ZCCHC2: variants seen among roughly 807,000 people sequenced by gnomAD.
ZCCHC2 encodes the protein zinc finger CCHC domain-containing protein 2.
ZCCHC2 carries 39 observed loss-of-function variants against 103.6 expected under a neutral mutation model. The ratio of observed to expected loss-of-function variants is 0.38; its 90% CI spans 0.29 to 0.49. The LOEUF is 0.49. ZCCHC2 is among the 20% of genes least tolerant of loss of function. The probability of loss-of-function intolerance (pLI) is 0.96; values close to 1 mark genes in which losing one functional copy is unlikely to be tolerated. For missense variants in ZCCHC2, 1,483 were observed against 1,491.0 expected (o/e 0.99, Z 0.09); for synonymous variants, 687 against 608.9 (o/e 1.13, Z -1.89).
chr18:62,526,729 G>T (rs1370234705), intron 1 of ZCCHC2, among the ~76,000 whole-genome samples: 1 of 152,070 alleles, frequency 6.6e-6, no homozygotes, highest in Non-Finnish European at 1.5e-5. Flanking sequence ...TAGGGGCTCG[G>T]AGGTCACGCA....
intron 2 of ZCCHC2, among the ~76,000 whole-genome samples, chr18:62,540,398 C>G (rs1915119060): frequency 6.6e-6 from 1 of 150,430 alleles, no homozygotes; most frequent in African/African-American, 2.4e-5. Context: ...GCTTCACACT[C>G]AGTTATAACA....
Position 62,523,582 on chromosome 18 carries a change from C to T in ZCCHC2, c.158C>T (p.Pro53Leu). 1.0e-6 allele frequency: 1 copy of T among 967,598 alleles called. No homozygotes were observed. The highest frequency in any genetic ancestry group is 1.2e-6 in the Non-Finnish European group (1 of 817,348). 59.9% of individuals were successfully genotyped at this position (967,598 alleles called of 1,614,324 possible). A position where few individuals can be genotyped will look rare whatever the true frequency, so the allele number is the denominator to read the frequency against. ...CCGCCGCCGCCGCCGCCCGCGGGCCCGTCGCGGGGCCCTCTGCCGCCGCCG... is the reference window on the plus strand; with the variant it reads ...CCGCCGCCGCCGCCGCCCGCGGGCCTGTCGCGGGGCCCTCTGCCGCCGCCG... ...PPPPPPPPAGPSRGPLPPPPP... is the reference protein window; with the variant it reads ...PPPPPPPPAGLSRGPLPPPPP... Residue 53 changes from proline (P) to leucine (L), a missense_variant, in exon 1 of 14, where the codon CCG (proline) becomes CTG (leucine). Pro to Leu is a moderately conservative substitution (Grantham distance 98). Around this residue, in one of 3 missense-constraint regions of ZCCHC2, gnomAD observed 568 missense variants for 525.1 expected, o/e 1.08. Coordinates refer to ENST00000269499, the MANE Select transcript of ZCCHC2 (RefSeq NM_017742.6).
chr18:62,523,431 A>G lies in ZCCHC2; in HGVS notation c.7A>G (p.Arg3Gly). Residue 3 changes from arginine to glycine, a missense_variant, in exon 1 of 14, where the codon AGG becomes GGG. Transcript: ENST00000269499. ...TGCGCCGCCCTAGCCGAGGATGCTG[A>G]GGATGAAGCTGCCGCTGAAGCCAAC... The part of the protein sequence containing the change: ML[R>G]MKLPLKPTHP... 1 of 1,072,880 alleles carries G rather than the reference A, an allele frequency of 9.3e-7. No individual in the cohort carries two copies. The highest frequency in any genetic ancestry group is 1.1e-6 in the Non-Finnish European group (1 of 879,066). 66.5% of individuals were successfully genotyped at this position (1,072,880 alleles called of 1,614,324 possible). A position where few individuals can be genotyped will look rare whatever the true frequency, so the allele number is the denominator to read the frequency against.
At chr18:62,546,901 T>A (rs1425981345) in intron 4 of ZCCHC2, among the ~76,000 whole-genome samples, 1 of 152,254 alleles carries the variant, frequency 6.6e-6, no homozygotes, top group Admixed American at 6.5e-5. Flanking sequence ...TCAAGTAGTA[T>A]AAATGCCTCT....
At chr18:62,540,865 G>T (rs1232319373) in intron 2 of ZCCHC2, among the ~76,000 whole-genome samples, 1 of 152,058 alleles carries the variant, frequency 6.6e-6, no homozygotes, top group Non-Finnish European at 1.5e-5. Flanking sequence ...ACATACTCCT[G>T]TCTTCTCTTA....
At chr18:62,542,366 A>T in intron 2 of ZCCHC2, 132 bp from the exon 3 acceptor site, 1 of 619,004 alleles carries the variant, frequency 1.6e-6, no homozygotes, top group Non-Finnish European at 2.7e-6. Flanking sequence ...TTCATGATTT[A>T]AGACCAGTCA....
At chr18:62,573,636 T>C (rs1442715815) in intron 12 of ZCCHC2, among the ~76,000 whole-genome samples, 1 of 152,242 alleles carries the variant, frequency 6.6e-6, no homozygotes, top group Non-Finnish European at 1.5e-5. Context: ...TTGTCTTGAC[T>C]GAGCTCTTTG....
intron 10 of ZCCHC2, 56 bp from the exon 11 acceptor site, chr18:62,564,946 A>C: frequency 7.9e-7 from 1 of 1,269,318 alleles, no homozygotes; most frequent in South Asian, 1.2e-5. Context: ...TACTGTACTG[A>C]ATGTGTTTGG....
At chr18:62,532,088 G>A (rs1256964434) in intron 1 of ZCCHC2, among the ~76,000 whole-genome samples, 2 of 152,260 alleles carry the variant, frequency 1.3e-5, no homozygotes, top group Admixed American at 1.3e-4. Flanking sequence ...GTTGTCAGTA[G>A]GTTCCAGTGG....
chr18:62,538,872 A>G (rs996882382), intron 1 of ZCCHC2, among the ~76,000 whole-genome samples: 1 of 152,232 alleles, frequency 6.6e-6, no homozygotes, highest in South Asian at 2.1e-4. Context: ...GATTTGTAAA[A>G]TCATAATTGA....
chr18:62,532,316 C>G (rs765759872), intron 1 of ZCCHC2, among the ~76,000 whole-genome samples: 1 of 152,234 alleles, frequency 6.6e-6, no homozygotes, highest in East Asian at 1.9e-4. Flanking sequence ...CTTCTCCCAT[C>G]ACATCCTGAA....
chr18:62,556,544 G>A (rs1468843047), intron 6 of ZCCHC2, among the ~76,000 whole-genome samples: 7 of 152,202 alleles, frequency 4.6e-5, no homozygotes, highest in African/African-American at 1.7e-4. Flanking sequence ...GGCATGGCCA[G>A]TCCTTCATTT....
At chr18:62,524,495 T>A in intron 1 of ZCCHC2, 132 bp downstream of exon 1, 1 of 1,341,344 alleles carries the variant, frequency 7.5e-7, no homozygotes, top group Non-Finnish European at 9.6e-7. Flanking sequence ...ACCCGGCAGC[T>A]CCCAGCGCCA....
intron 6 of ZCCHC2, among the ~76,000 whole-genome samples, chr18:62,558,008 T>A (rs964986425): frequency 6.7e-6 from 1 of 148,406 alleles, no homozygotes; most frequent in Non-Finnish European, 1.5e-5. Context: ...TTCATTTGCA[T>A]ACACTGTTGG....
chr18:62,560,762 ATTTC>A (rs2145519033), intron 8 of ZCCHC2, 118 bp downstream of exon 8: 1 of 741,712 alleles, frequency 1.3e-6, no homozygotes. Context: ...TTTGCTTTTT[ATTTC>A]TTCACTTTTT....
At chr18:62,581,821 C>G (rs58071482), downstream of ZCCHC2, 23 of 22,020 alleles carry the variant, frequency 1.0e-3, 2 homozygotes, top group South Asian at 5.1e-3. Flanking sequence ...GGACCCCTCC[C>G]GAGATGGTGT....
chr18:62,523,399 G>A lies in ZCCHC2; in HGVS notation c.-26G>A. The A allele has an allele frequency of 1.1e-5, 2 of 182,442 alleles. No homozygotes were observed. Among genetic ancestry groups the A allele is most frequent in the South Asian group, 1.2e-4 (1 of 8,336 alleles). 11.3% of individuals were successfully genotyped at this position (182,442 alleles called of 1,614,324 possible). On this transcript the variant is annotated 5_prime_UTR_variant, in exon 1 of 14. Transcript: ENST00000269499. ...CGGCCCCTCCCGCCCGCCCCCGCTC[G>A]CATGTCTGCGCCGCCCTAGCCGAGG...
At chr18:62,569,955 T>G (rs1916527065) in intron 11 of ZCCHC2, 148 bp from the exon 12 acceptor site, 1 of 636,444 alleles carries the variant, frequency 1.6e-6, no homozygotes, top group African/African-American at 1.9e-5. Context: ...AATTGTAATT[T>G]AATCAGTTTA....
In ZCCHC2 at chr18:62,574,389, G is replaced by C; in HGVS notation, c.2308G>C (p.Val770Leu). 1 of 1,614,012 alleles carries C rather than the reference G, an allele frequency of 6.2e-7. No individual in the cohort carries two copies. Among genetic ancestry groups the C allele is most frequent in the East Asian group, 2.2e-5 (1 of 44,886 alleles). The change falls in exon 13 of 14, where the codon GTT (valine) becomes CTT (leucine). Residue 770 changes from valine to leucine, a missense_variant. This residue lies in a region of ZCCHC2 where 884 missense variants were observed against 907.5 expected (regional missense o/e 0.97). Coordinates refer to ENST00000269499, the MANE Select transcript of ZCCHC2 (RefSeq NM_017742.6). ...AIRESANSTP[V>L]GILGPTACTG... Reference sequence around the variant, plus strand: ...AAGGGAGTCTGCAAATTCAACCCCTGTTGGAATACTAGGGCCAACAGCTTG... The same window carrying C: ...AAGGGAGTCTGCAAATTCAACCCCTCTTGGAATACTAGGGCCAACAGCTTG...
Sources: allele counts gnomAD v4.1 joint callset (sites outside exome capture counted in the v4.1 genomes callset), GRCh38; gene constraint gnomAD v4.1.1; regional missense constraint gnomAD v4.1.1; transcripts MANE v1.5; gene names NCBI Gene and HGNC (gene_info 2026-07-23, HGNC 2026-07-21).